The following CNTNAP4 variants were observed in gnomAD, a reference collection of about 807,000 sequenced individuals.
The protein encoded by CNTNAP4 is contactin-associated protein-like 4.
A neutral mutation model predicts 148.4 loss-of-function variants in CNTNAP4; 98 were observed. The ratio of observed to expected loss-of-function variants is 0.66; its 90% CI spans 0.56 to 0.78. The LOEUF is 0.78. Among genes scored for constraint, CNTNAP4 ranks in the 30% least tolerant of loss-of-function variants. CNTNAP4 has a pLI of 0.00. For missense variants in CNTNAP4, 1,935 were observed against 1,565.6 expected, an observed-to-expected ratio of 1.24 and a Z score of -3.98; for synonymous variants, 730 against 565.1, an observed-to-expected ratio of 1.29 and a Z score of -4.14.
intron 1 of CNTNAP4, among the ~76,000 whole-genome samples, chr16:76,293,874 G>A (rs920238299): frequency 1.3e-4 from 19 of 149,778 alleles, no homozygotes; most frequent in African/African-American, 4.7e-4. Flanking sequence ...ACTGAATGTA[G>A]CATTTTTAGT....
At chr16:76,319,364 G>T (rs555737512) in intron 2 of CNTNAP4, among the ~76,000 whole-genome samples, 41 of 152,200 alleles carry the variant, frequency 2.7e-4, no homozygotes, top group African/African-American at 9.9e-4. Flanking sequence ...GCACTCCAGG[G>T]TGACAGAGTG....
chr16:76,293,720 T>C (rs1253526988), intron 1 of CNTNAP4, among the ~76,000 whole-genome samples: 1 of 152,078 alleles, frequency 6.6e-6, no homozygotes, highest in African/African-American at 2.4e-5. Context: ...AATAAAAGAA[T>C]TTAATCACAT....
At chr16:76,333,374 G>T (rs931338083) in intron 2 of CNTNAP4, among the ~76,000 whole-genome samples, 44 of 152,170 alleles carry the variant, frequency 2.9e-4, no homozygotes, top group African/African-American at 1.0e-3. Context: ...TGCTGTTGAA[G>T]TCCTCTAGTG....
At chr16:76,499,599 T>C (rs1177928542) in intron 15 of CNTNAP4, among the ~76,000 whole-genome samples, 2 of 151,630 alleles carry the variant, frequency 1.3e-5, no homozygotes, top group Non-Finnish European at 2.9e-5. Context: ...CTTGGGTGTT[T>C]CTCGGAGAGG....
At chr16:76,512,244 T>C (rs969177387) in intron 15 of CNTNAP4, among the ~76,000 whole-genome samples, 6 of 152,050 alleles carry the variant, frequency 3.9e-5, no homozygotes, top group Non-Finnish European at 8.8e-5. Flanking sequence ...TTGGAGAACA[T>C]TAGAGACTTT....
At chr16:76,470,632 A>G (rs1185014768) in intron 10 of CNTNAP4, among the ~76,000 whole-genome samples, 1 of 151,390 alleles carries the variant, frequency 6.6e-6, no homozygotes, top group African/African-American at 2.4e-5. Context: ...CCTGGGCAAC[A>G]AGAGTGAAAC....
rs1029870501 is a variant in CNTNAP4 at position 76,444,797 on chromosome 16, G to A, written c.539-3215G>A. Among the ~76,000 whole-genome samples the A allele has an allele frequency of 2.0e-5, 3 of 151,956 alleles. No individual in the cohort carries two copies. In the South Asian group the frequency reaches 6.2e-4, roughly 32 times the overall value. On this transcript the variant is annotated intron_variant, in intron 4 of 23. Coordinates refer to ENST00000611870, the MANE Select transcript of CNTNAP4 (RefSeq NM_033401.5). ...GAGAGTCTGTTTCTATATATTAAAT[G>A]TGTATCCTTTGAAGTTTTCCTGTAC...
chr16:76,378,092 T>C (rs150638145), intron 3 of CNTNAP4, among the ~76,000 whole-genome samples: 1 of 152,258 alleles, frequency 6.6e-6, no homozygotes, highest in Non-Finnish European at 1.5e-5. Flanking sequence ...TTTATAACAA[T>C]ATTAAGAGAG....
In CNTNAP4 at chr16:76,290,266, T is replaced by C. The variant is rs553146509; in HGVS notation, c.85+12519T>C. 3.3e-5 allele frequency among the ~76,000 whole-genome samples: 5 copies of C among 152,262 alleles called. No individual in the cohort carries two copies. In the East Asian group the frequency reaches 9.7e-4, roughly 29 times the overall value. ...CTCCAAAATCCATTGTTCTTTGAAA[T>C]GGAAAGTGCCCATCTTCTCCCTGCA... On this transcript the variant is annotated intron_variant, in intron 1 of 23. Transcript: ENST00000611870.
chr16:76,434,255 T>A (rs1335900371), intron 4 of CNTNAP4, among the ~76,000 whole-genome samples: 2 of 152,102 alleles, frequency 1.3e-5, no homozygotes, highest in African/African-American at 4.8e-5. Context: ...TCTCTCCAAA[T>A]AAGATTATGA....
At chr16:76,400,035 G>A (rs1357407700) in intron 3 of CNTNAP4, among the ~76,000 whole-genome samples, 1 of 152,140 alleles carries the variant, frequency 6.6e-6, no homozygotes, top group Non-Finnish European at 1.5e-5. Flanking sequence ...AGACAGGTTA[G>A]CATATCTTAG....
chr16:76,539,907 G>T (rs1230282703), intron 20 of CNTNAP4, 55 bp downstream of exon 20: 12 of 1,352,604 alleles, frequency 8.9e-6, no homozygotes, highest in Non-Finnish European at 1.2e-5. Context: ...CAGCATGAAG[G>T]ATCTCAAGCA....
At chr16:76,354,921 C>A (rs904675784) in intron 2 of CNTNAP4, among the ~76,000 whole-genome samples, 4 of 152,198 alleles carry the variant, frequency 2.6e-5, no homozygotes, top group African/African-American at 9.6e-5. Flanking sequence ...AGCTTTAGTT[C>A]CTTCATAGCT....
intron 3 of CNTNAP4, among the ~76,000 whole-genome samples, chr16:76,402,641 G>T (rs2078458561): frequency 6.6e-6 from 1 of 152,042 alleles, no homozygotes; most frequent in Non-Finnish European, 1.5e-5. Flanking sequence ...TTTCAGTTGT[G>T]ATGTTAGGTT....
At chr16:76,377,511 A>G (rs982677536) in intron 3 of CNTNAP4, among the ~76,000 whole-genome samples, 63 of 152,176 alleles carry the variant, frequency 4.1e-4, no homozygotes, top group African/African-American at 1.4e-3. Context: ...GGAAATGATT[A>G]AGAAGAAGGT....
chr16:76,439,959 T>C (rs985657348), intron 4 of CNTNAP4, among the ~76,000 whole-genome samples: 1 of 152,190 alleles, frequency 6.6e-6, no homozygotes, highest in Non-Finnish European at 1.5e-5. Flanking sequence ...ATCATGCTGC[T>C]ACTTTAATAT....
intron 13 of CNTNAP4, among the ~76,000 whole-genome samples, chr16:76,493,526 C>G (rs539689057): frequency 2.9e-4 from 44 of 151,746 alleles, no homozygotes; most frequent in African/African-American, 1.1e-3. Context: ...CAGTCTATAC[C>G]TTAAAAAACA....
intron 12 of CNTNAP4, 124 bp from the exon 13 acceptor site, chr16:76,489,560 CAG>C (rs1568374986): frequency 2.1e-6 from 1 of 480,228 alleles, no homozygotes; most frequent in African/African-American, 2.0e-5. Flanking sequence ...TTCTACCTCT[CAG>C]GGAAGTTTGA....
intron 3 of CNTNAP4, among the ~76,000 whole-genome samples, chr16:76,422,976 G>A (rs1411563097): frequency 6.6e-6 from 1 of 152,106 alleles, no homozygotes; most frequent in East Asian, 1.9e-4. Flanking sequence ...ATTAGGTCAA[G>A]AGTCCTGTTA....
Sources: gnomAD v4.1 joint callset for allele counts (sites outside exome capture counted in the v4.1 genomes callset) on GRCh38, gnomAD v4.1.1 for gene constraint, MANE v1.5 for transcripts, NCBI Gene and HGNC (gene_info 2026-07-23, HGNC 2026-07-21) for gene names.